Variants in KCNMA1 observed in about 807,000 individuals in gnomAD.
KCNMA1 encodes the protein potassium calcium-activated channel subfamily M alpha 1, also known as Calcium-activated potassium channel subunit alpha-1.
Under a neutral mutation model 140.0 loss-of-function variants are expected in KCNMA1, and 29 were observed. That is an observed-to-expected ratio of 0.21 (90% CI 0.15 to 0.28). The LOEUF (loss-of-function observed/expected upper bound fraction) is 0.28, where lower values mean the gene tolerates loss of function less well. Among genes scored for constraint, KCNMA1 ranks in the 10% least tolerant of loss-of-function variants. The pLI is 1.00. For synonymous variants in KCNMA1, 612 were observed against 611.9 expected (o/e 1.00, Z 0.00); for missense variants, 880 against 1,602.2 (o/e 0.55, Z 7.70).
At chr10:77,154,094 T>C (rs1442505361) in intron 5 of KCNMA1, among the ~76,000 whole-genome samples, 1 of 152,148 alleles carries the variant, frequency 6.6e-6, no homozygotes, top group African/African-American at 2.4e-5. Flanking sequence ...TTTCTCGTGA[T>C]AGTGAGTAAG....
chr10:76,906,121 C>A (rs1011434747), intron 25 of KCNMA1, among the ~76,000 whole-genome samples: 1 of 152,220 alleles, frequency 6.6e-6, no homozygotes, highest in Admixed American at 6.5e-5. Flanking sequence ...GAATCCAGAT[C>A]TAAGCCATCT....
intron 1 of KCNMA1, among the ~76,000 whole-genome samples, chr10:77,450,199 G>A (rs2097608992): frequency 6.6e-6 from 1 of 152,070 alleles, no homozygotes; most frequent in African/African-American, 2.4e-5. Flanking sequence ...GGGATTACAG[G>A]TGCCCGCTAC....
rs1323059370 is a variant in KCNMA1, at chr10:76,970,075, T to C, written c.2267-8A>G. On this transcript the variant is annotated splice_region_variant and splice_polypyrimidine_tract_variant and intron_variant, in intron 19 of 27. Coordinates refer to ENST00000286628, the MANE Select transcript of KCNMA1 (RefSeq NM_001161352.2). ...ACGGCTGCTCATCTTCAACTGGAAATACAGGCAGCTCATGAGATTATGAAC... is the reference window on the plus strand; with the variant it reads ...ACGGCTGCTCATCTTCAACTGGAAACACAGGCAGCTCATGAGATTATGAAC... 1.2e-6 allele frequency: 2 copies of C among 1,610,222 alleles called. No individual in the cohort carries two copies.
chr10:77,230,264 C>G (rs2053136113), intron 3 of KCNMA1, among the ~76,000 whole-genome samples: 1 of 152,204 alleles, frequency 6.6e-6, no homozygotes, highest in Admixed American at 6.5e-5. Context: ...GAAAGCAGAT[C>G]AGTGGTTGTC....
chr10:77,342,311 C>T (rs1017745523), intron 2 of KCNMA1, among the ~76,000 whole-genome samples: 1 of 152,166 alleles, frequency 6.6e-6, no homozygotes, highest in African/African-American at 2.4e-5. Flanking sequence ...CATGCAAGGG[C>T]TTTGCATCTA....
intron 20 of KCNMA1, among the ~76,000 whole-genome samples, chr10:76,954,367 G>C (rs1009716960): frequency 6.6e-6 from 1 of 152,198 alleles, no homozygotes; most frequent in African/African-American, 2.4e-5. Flanking sequence ...TAGGAATAGA[G>C]CCTCATGCTG....
At chr10:77,310,087 A>G (rs11815718) in intron 2 of KCNMA1, among the ~76,000 whole-genome samples, 1,729 of 152,326 alleles carry the variant, frequency 0.011, 8 homozygotes, top group Middle Eastern at 0.034. Flanking sequence ...CATTGAAGGC[A>G]TGGGGGGACA....
chr10:77,618,129 C>A (rs1056446376), intron 1 of KCNMA1, among the ~76,000 whole-genome samples: 4 of 152,266 alleles, frequency 2.6e-5, no homozygotes, highest in Admixed American at 6.5e-5. Context: ...CCAGCAGAGA[C>A]CTTCAGGGGC....
At chr10:77,551,952 C>T (rs986003635) in intron 1 of KCNMA1, among the ~76,000 whole-genome samples, 3 of 152,030 alleles carry the variant, frequency 2.0e-5, no homozygotes, top group Non-Finnish European at 4.4e-5. Flanking sequence ...CCAGAAGTGA[C>T]GAGGATGAGG....
intron 15 of KCNMA1, among the ~76,000 whole-genome samples, chr10:77,035,499 A>G (rs1469530605): frequency 6.6e-6 from 1 of 151,716 alleles, no homozygotes; most frequent in East Asian, 1.9e-4. Flanking sequence ...GGGAAACTGA[A>G]TATTTTACTT....
rs117599844 is a variant in KCNMA1, at chr10:77,295,979, C to T, written c.541-44723G>A. Among the ~76,000 whole-genome samples the T allele has an allele frequency of 2.0e-3, 302 of 152,000 alleles. 1 individual carries two copies. Among genetic ancestry groups the T allele is most frequent in the Non-Finnish European group, 3.5e-3 (239 of 67,970 alleles). On this transcript the variant is annotated intron_variant, in intron 2 of 27. Coordinates refer to ENST00000286628, the MANE Select transcript of KCNMA1 (RefSeq NM_001161352.2). The stretch of plus-strand genomic sequence containing the variant: ...TGTAAAAGGGCAAAATGCAGTGCTC[C>T]CTGAGGCTCTGGTAAATAAACCGAG...
At chr10:77,022,497 T>C (rs2092973099) in intron 16 of KCNMA1, among the ~76,000 whole-genome samples, 1 of 152,216 alleles carries the variant, frequency 6.6e-6, no homozygotes, top group African/African-American at 2.4e-5. Context: ...TCTGTTTCTT[T>C]TGCTCTCAGA....
At chr10:77,488,055 A>G (rs2098481832) in intron 1 of KCNMA1, among the ~76,000 whole-genome samples, 1 of 152,178 alleles carries the variant, frequency 6.6e-6, no homozygotes, top group Non-Finnish European at 1.5e-5. Context: ...TTCATTCAAT[A>G]TATGCCTATT....
chr10:77,442,355 C>T lies in KCNMA1; in HGVS notation c.379-38332G>A, dbSNP rs549387246. On this transcript the variant is annotated intron_variant, in intron 1 of 27. Coordinates refer to ENST00000286628, the MANE Select transcript of KCNMA1 (RefSeq NM_001161352.2). ...AGGGTTCCCCTTGCCACCTAGACCC[C>T]CGCCACCTCCCCATCTAGGATGGGC... Among the ~76,000 whole-genome samples, 4 of 152,104 alleles carry T rather than the reference C, an allele frequency of 2.6e-5. No individual in the cohort carries two copies. In the East Asian group the frequency reaches 5.8e-4, roughly 22 times the overall value.
intron 1 of KCNMA1, among the ~76,000 whole-genome samples, chr10:77,535,761 G>T (rs572156032): frequency 6.6e-6 from 1 of 152,208 alleles, no homozygotes; most frequent in African/African-American, 2.4e-5. Flanking sequence ...GGAACAGGAG[G>T]ACATTATGTT....
At chr10:77,040,878 A>T (rs2094628292) in intron 14 of KCNMA1, among the ~76,000 whole-genome samples, 1 of 152,154 alleles carries the variant, frequency 6.6e-6, no homozygotes, top group Admixed American at 6.5e-5. Context: ...CTTGCTCCAA[A>T]TTTCATTAAA....
chr10:76,947,992 G>GTTT (rs756053830), intron 22 of KCNMA1, among the ~76,000 whole-genome samples: 2,021 of 10,470 alleles, frequency 0.19, 31 homozygotes, highest in African/African-American at 0.4. Flanking sequence ...ATGTTCCTCA[G>GTTT]TTGTTTCTTG....
chr10:77,331,506 C>A (rs570349184), intron 2 of KCNMA1, among the ~76,000 whole-genome samples: 1 of 152,120 alleles, frequency 6.6e-6, no homozygotes, highest in South Asian at 2.1e-4. Flanking sequence ...CCACTTAAGT[C>A]CTCATATTTA....
At chr10:77,514,180 C>T (rs916802346) in intron 1 of KCNMA1, among the ~76,000 whole-genome samples, 1 of 152,252 alleles carries the variant, frequency 6.6e-6, no homozygotes, top group African/African-American at 2.4e-5. Flanking sequence ...ACTCAGGGTC[C>T]CGAGGGCCTG....
Sources: allele counts gnomAD v4.1 joint callset (sites outside exome capture counted in the v4.1 genomes callset), GRCh38; gene constraint gnomAD v4.1.1; transcripts MANE v1.5; gene names NCBI Gene and HGNC (gene_info 2026-07-23, HGNC 2026-07-21).